ZNF790: variants seen among roughly 807,000 people sequenced by gnomAD.
ZNF790 encodes the protein zinc finger protein 790.
Under a neutral mutation model 12.1 loss-of-function variants are expected in ZNF790, and 8 were observed. The observed-to-expected ratio is 0.66, with a 90% CI of 0.39 to 1.19. The LOEUF (loss-of-function observed/expected upper bound fraction) is 1.19, where lower values mean the gene tolerates loss of function less well. Among genes scored for constraint, ZNF790 ranks in the 50% most tolerant of loss-of-function variants. ZNF790 has a pLI of 0.01. For missense variants in ZNF790, 707 were observed against 752.2 expected, an observed-to-expected ratio of 0.94 and a Z score of 0.70; for synonymous variants, 252 against 244.3, an observed-to-expected ratio of 1.03 and a Z score of -0.29.
upstream of ZNF790, among the ~76,000 whole-genome samples, chr19:36,839,517 C>T (rs1340261208): frequency 6.6e-6 from 1 of 152,124 alleles, no homozygotes; most frequent in Non-Finnish European, 1.5e-5. Context: ...CCTCCCACCT[C>T]AGCCTCCAGA....
In ZNF790 at chr19:36,823,268, G is replaced by A. The variant is rs747336281; in HGVS notation, c.229+17C>T. The A allele has an allele frequency of 1.2e-6, 2 of 1,606,964 alleles. No individual in the cohort carries two copies. Among genetic ancestry groups the A allele is most frequent in the Non-Finnish European group, 8.5e-7 (1 of 1,173,850 alleles). On this transcript the variant is annotated intron_variant, in intron 4 of 4. Coordinates refer to ENST00000356725, the MANE Select transcript of ZNF790 (RefSeq NM_206894.4). ...CCACAACAATGGCCTCCTTGTGCGT[G>A]TTCAGCCCTCACTCACCTGGGCAAG...
In ZNF790 at chr19:36,819,960, T is replaced by A; in HGVS notation, c.384A>T (p.Gln128His). 1 of 1,614,160 alleles carries A rather than the reference T, an allele frequency of 6.2e-7. No individual in the cohort carries two copies. Among genetic ancestry groups the A allele is most frequent in the Non-Finnish European group, 8.5e-7 (1 of 1,180,028 alleles). ...RGDWEGNTQF[Q>H]TLQDNQEECF... ...ATTCCTCTTGATTATCTTGAAGTGT[T>A]TGAAACTGAGTGTTGCCTTCCCAGT... The change falls in exon 5 of 5, where the codon CAA becomes CAT. Residue 128 changes from glutamine (Q) to histidine (H), a missense_variant. Coordinates refer to ENST00000356725, the MANE Select transcript of ZNF790 (RefSeq NM_206894.4).
upstream of ZNF790, among the ~76,000 whole-genome samples, chr19:36,841,848 C>T (rs572865095): frequency 2.9e-5 from 3 of 103,254 alleles, no homozygotes; most frequent in African/African-American, 1.2e-4. Flanking sequence ...GACTCCATCT[C>T]GGGGTGGGGG....
At chr19:36,838,876 C>T (rs769923251), upstream of ZNF790, among the ~76,000 whole-genome samples, 7 of 152,184 alleles carry the variant, frequency 4.6e-5, no homozygotes, top group Non-Finnish European at 8.8e-5. The surrounding 1 kb of genome is among the most constrained non-coding windows in gnomAD (Gnocchi z 4.4). Context: ...GAGTCTGTCC[C>T]GTCTCTGCCC....
At chr19:36,833,674 C>G (rs566191274) in intron 1 of ZNF790, among the ~76,000 whole-genome samples, 1 of 151,978 alleles carries the variant, frequency 6.6e-6, no homozygotes, top group African/African-American at 2.4e-5. Flanking sequence ...GATTTCAGAG[C>G]AAATAAATAA....
chr19:36,827,141 C>CACACATATATATATATATAT (rs1313807327), intron 1 of ZNF790, among the ~76,000 whole-genome samples: 8 of 84,444 alleles, frequency 9.5e-5, no homozygotes, highest in East Asian at 4.9e-4. Flanking sequence ...CACACACACA[C>CACACATATATATATATATAT]ATATATATAT....
At chr19:36,849,549 G>A (rs1332875739) in intron 1 of ZNF790, among the ~76,000 whole-genome samples, 1 of 151,684 alleles carries the variant, frequency 6.6e-6, no homozygotes, top group Non-Finnish European at 1.5e-5. Flanking sequence ...AACTGATTTT[G>A]TACTCTAGTT....
chr19:36,849,822 A>C (rs1025790132), intron 1 of ZNF790, among the ~76,000 whole-genome samples: 1 of 151,210 alleles, frequency 6.6e-6, no homozygotes, highest in African/African-American at 2.4e-5. Flanking sequence ...CCACACACTC[A>C]ATATGACCTC....
intron 1 of ZNF790, among the ~76,000 whole-genome samples, chr19:36,846,751 G>A (rs2072184489): frequency 1.3e-5 from 2 of 152,106 alleles, no homozygotes; most frequent in African/African-American, 4.8e-5. Context: ...AGTCTATTTG[G>A]CACTCGTTCA....
chr19:36,828,264 G>A (rs1201009379), intron 1 of ZNF790: 1 of 152,210 alleles, frequency 6.6e-6, no homozygotes, highest in Non-Finnish European at 1.5e-5. Context: ...GGGAGTTCGA[G>A]ATCAGCCTGA....
Position 36,819,278 on chromosome 19 carries a change from G to C in ZNF790, c.1066C>G (p.His356Asp), listed in dbSNP as rs1483513013. 3 of 1,612,710 alleles carry C rather than the reference G, an allele frequency of 1.9e-6. No individual in the cohort carries two copies. Among genetic ancestry groups the C allele is most frequent in the Non-Finnish European group, 2.5e-6 (3 of 1,179,218 alleles). ...AFTRGSHLTQHQRIHTGEKSH... is the reference protein window; with the variant it reads ...AFTRGSHLTQDQRIHTGEKSH... ...TTCTCACCAGTATGAATTCTCTGATGCTGAGTTAGGTGTGATCCACGAGTA... is the reference window on the plus strand; with the variant it reads ...TTCTCACCAGTATGAATTCTCTGATCCTGAGTTAGGTGTGATCCACGAGTA... The change falls in exon 5 of 5, where the codon CAT becomes GAT. Residue 356 changes from histidine to aspartate, a missense_variant. His to Asp is a moderately conservative substitution (Grantham distance 81, BLOSUM62 -1). Transcript: ENST00000356725.
intron 2 of ZNF790, 73 bp downstream of exon 2, chr19:36,825,538 A>T: frequency 6.9e-7 from 1 of 1,453,628 alleles, no homozygotes; most frequent in Non-Finnish European, 9.7e-7. Context: ...CAGTTTAAGG[A>T]TAAGCAATAA....
intron 1 of ZNF790, among the ~76,000 whole-genome samples, chr19:36,849,612 T>C (rs1568346274): frequency 1.3e-5 from 2 of 152,096 alleles, no homozygotes; most frequent in African/African-American, 4.8e-5. Context: ...TATTTTATTA[T>C]ATCAGTAATG....
At chr19:36,844,810 A>C (rs926545780) in intron 1 of ZNF790, among the ~76,000 whole-genome samples, 3 of 151,882 alleles carry the variant, frequency 2.0e-5, no homozygotes, top group African/African-American at 7.3e-5. Flanking sequence ...GCACTTTGGG[A>C]GGCCGAGGCG....
intron 1 of ZNF790, among the ~76,000 whole-genome samples, chr19:36,830,302 ATTTTTG>A (rs746584415): frequency 3.3e-5 from 5 of 152,014 alleles, no homozygotes; most frequent in South Asian, 2.1e-4. Context: ...TGATTGTGTG[ATTTTTG>A]TTTTTTTATT....
intron 1 of ZNF790, among the ~76,000 whole-genome samples, chr19:36,835,028 C>T (rs1212264837): frequency 6.6e-6 from 1 of 152,202 alleles, no homozygotes; most frequent in Admixed American, 6.5e-5. Context: ...TGGCTCACAC[C>T]TGTAATCCCA....
chr19:36,827,117 T>TACACACAC (rs760453936), intron 1 of ZNF790, among the ~76,000 whole-genome samples: 1,786 of 60,470 alleles, frequency 0.03, 36 homozygotes, highest in Non-Finnish European at 0.037. Flanking sequence ...TATATACACA[T>TACACACAC]ACACACACAC....
chr19:36,845,966 A>T (rs749226587), intron 1 of ZNF790, among the ~76,000 whole-genome samples: 16 of 151,854 alleles, frequency 1.1e-4, no homozygotes, highest in Non-Finnish European at 1.2e-4. Context: ...GCACCACCAC[A>T]CTTGGCTAAT....
chr19:36,827,050 CATAG>C (rs375572564), intron 1 of ZNF790, among the ~76,000 whole-genome samples: 2,123 of 146,248 alleles, frequency 0.015, 48 homozygotes, highest in African/African-American at 0.048. Flanking sequence ...TATGTACATA[CATAG>C]ATATATATGT....
Sources: gnomAD v4.1 joint callset for allele counts (sites outside exome capture counted in the v4.1 genomes callset) on GRCh38, gnomAD v4.1.1 for gene constraint, Gnocchi (gnomAD v3.1) non-coding constraint, MANE v1.5 for transcripts, NCBI Gene and HGNC (gene_info 2026-07-23, HGNC 2026-07-21) for gene names.